PTPRE: variants seen among roughly 807,000 people sequenced by gnomAD.
PTPRE encodes the protein protein tyrosine phosphatase receptor type E.
In PTPRE, 51 loss-of-function variants were observed where a neutral mutation model predicts 102.0. The observed-to-expected ratio is 0.50, with a 90% CI of 0.40 to 0.63. PTPRE has a LOEUF of 0.63. Ranked by LOEUF, PTPRE falls within the 30% of genes least tolerant of loss-of-function variation. The probability of loss-of-function intolerance (pLI) is 0.00; values close to 1 mark genes in which losing one functional copy is unlikely to be tolerated. For synonymous variants in PTPRE, 345 were observed against 348.2 expected (o/e 0.99, Z 0.10); for missense variants, 752 against 915.1 (o/e 0.82, Z 2.30).
At chr10:128,077,351 G>T (rs1356467719) in intron 18 of PTPRE, among the ~76,000 whole-genome samples, 2 of 152,208 alleles carry the variant, frequency 1.3e-5, no homozygotes, top group African/African-American at 2.4e-5. Context: ...ATCCCGTAGG[G>T]GTTGGGCAGT....
At chr10:128,035,641 G>A (rs1158324360) in intron 2 of PTPRE, among the ~76,000 whole-genome samples, 1 of 152,214 alleles carries the variant, frequency 6.6e-6, no homozygotes, top group African/African-American at 2.4e-5. Context: ...CCAGGTAGGT[G>A]ATGGGTTCGG....
At chr10:128,011,486 C>T (rs1173734680) in intron 2 of PTPRE, among the ~76,000 whole-genome samples, 1 of 152,196 alleles carries the variant, frequency 6.6e-6, no homozygotes, top group Non-Finnish European at 1.5e-5. Flanking sequence ...GCGCGGTAGA[C>T]GTTCCTGTGG....
At chr10:128,069,874 C>G (rs779301277) in intron 13 of PTPRE, 47 bp downstream of exon 13, 5 of 1,613,348 alleles carry the variant, frequency 3.1e-6, no homozygotes, top group Middle Eastern at 1.6e-4. Context: ...CCAAAGCAAA[C>G]CCGATGCCTT....
At position 128,030,587 on chromosome 10, in the gene PTPRE, G is replaced by A. The variant is rs530313225; in HGVS notation, c.-7-10288G>A. Among the ~76,000 whole-genome samples, 34 of 152,252 alleles carry A rather than the reference G, an allele frequency of 2.2e-4. No homozygotes were observed. The East Asian group carries it at 5.2e-3, about 23-fold the overall frequency. On this transcript the variant is annotated intron_variant, in intron 2 of 20. Coordinates refer to ENST00000254667, the MANE Select transcript of PTPRE (RefSeq NM_006504.6). ...CATGGCGATTCCTTTAAAAACACCC[G>A]TGGAGCACCTCCTCTGTGGCAGCTC...
At chr10:128,010,591 C>CTTTTCTTTTCTTTTCTTTTCTTTTCT (rs1231558657) in intron 2 of PTPRE, among the ~76,000 whole-genome samples, 1 of 149,412 alleles carries the variant, frequency 6.7e-6, no homozygotes, top group Non-Finnish European at 1.5e-5. Context: ...CTTTTCTTTT[C>CTTTTCTTTTCTTTTCTTTTCTTTTCT]TTTCCTTTTG....
intron 1 of PTPRE, among the ~76,000 whole-genome samples, chr10:127,952,895 G>A (rs114634996): frequency 1.0e-3 from 157 of 152,266 alleles, no homozygotes; most frequent in African/African-American, 3.6e-3. Flanking sequence ...TTAGACATTC[G>A]TATATCAGAG....
chr10:128,081,093 A>G (rs1424984285), intron 20 of PTPRE, among the ~76,000 whole-genome samples: 1 of 152,194 alleles, frequency 6.6e-6, no homozygotes, highest in Non-Finnish European at 1.5e-5. Context: ...CCAGAAGGGA[A>G]AGGCTTAACT....
At chr10:127,923,398 A>ATTTTTTTTTTTTTTTTTTTTTTTTTTTT (rs35994733) in intron 1 of PTPRE, among the ~76,000 whole-genome samples, 2 of 106,926 alleles carry the variant, frequency 1.9e-5, no homozygotes, top group Non-Finnish European at 1.8e-5. Flanking sequence ...ACCAGTTTGA[A>ATTTTTTTTTTTTTTTTTTTTTTTTTTTT]TTTTTTTTTT....
chr10:128,007,996 C>T (rs376143403), intron 2 of PTPRE, among the ~76,000 whole-genome samples: 1 of 152,164 alleles, frequency 6.6e-6, no homozygotes, highest in Non-Finnish European at 1.5e-5. Flanking sequence ...GATGGAACCC[C>T]GAGCTTCTCA....
chr10:127,926,453 C>T (rs1847015822), intron 1 of PTPRE, among the ~76,000 whole-genome samples: 1 of 152,214 alleles, frequency 6.6e-6, no homozygotes, highest in African/African-American at 2.4e-5. Flanking sequence ...ACATTCACCT[C>T]CAACATTTCT....
chr10:128,037,957 ATTTTTTTTTTT>A (rs34089996), intron 2 of PTPRE, among the ~76,000 whole-genome samples: 3 of 115,946 alleles, frequency 2.6e-5, no homozygotes, highest in African/African-American at 9.9e-5. Flanking sequence ...TGTCCGGCTA[ATTTTTTTTTTT>A]TTTTTTTTTT....
At chr10:128,061,810 G>C in intron 9 of PTPRE, 95 bp downstream of exon 9, 1 of 1,435,054 alleles carries the variant, frequency 7.0e-7, no homozygotes, top group Non-Finnish European at 9.3e-7. Context: ...ACTTATACTG[G>C]ATTTGTGTGT....
At chr10:127,998,910 C>T (rs1263484501) in intron 2 of PTPRE, 1 of 152,156 alleles carries the variant, frequency 6.6e-6, no homozygotes, top group African/African-American at 2.4e-5. Flanking sequence ...CTGCAGGAGC[C>T]TCAGTTTTTC....
intron 3 of PTPRE, among the ~76,000 whole-genome samples, chr10:128,046,682 A>G (rs1269782468): frequency 6.6e-6 from 1 of 152,140 alleles, no homozygotes; most frequent in East Asian, 1.9e-4. Flanking sequence ...GGTGGGGTCC[A>G]AAGGTGGCAG....
chr10:128,026,900 A>C (rs1282824768), intron 2 of PTPRE, among the ~76,000 whole-genome samples: 1 of 152,386 alleles, frequency 6.6e-6, no homozygotes, highest in African/African-American at 2.4e-5. Flanking sequence ...TCACACTTGA[A>C]GCTTGGAAAA....
intron 2 of PTPRE, among the ~76,000 whole-genome samples, chr10:127,989,474 G>A (rs1852418714): frequency 6.6e-6 from 1 of 152,176 alleles, no homozygotes; most frequent in Non-Finnish European, 1.5e-5. Context: ...GGCATGCCTT[G>A]TCACCTCTCC....
At chr10:128,026,411 C>A (rs1846295830) in intron 2 of PTPRE, among the ~76,000 whole-genome samples, 1 of 152,252 alleles carries the variant, frequency 6.6e-6, no homozygotes, top group African/African-American at 2.4e-5. Context: ...TCTCCCCAGT[C>A]TGTCTTCAGT....
At position 128,011,309 on chromosome 10, in the gene PTPRE, G is replaced by A. The variant is rs1844989249; in HGVS notation, c.-8+29013G>A. ...TCCTAATTAATCACTGTAACACGGC[G>A]AGTGAATGGAGAGGAAAAGCTATTT... On this transcript the variant is annotated intron_variant, in intron 2 of 20. Coordinates refer to ENST00000254667, the MANE Select transcript of PTPRE (RefSeq NM_006504.6). Among the ~76,000 whole-genome samples, 3 of 152,334 alleles carry A rather than the reference G, an allele frequency of 2.0e-5. No individual in the cohort carries two copies. The South Asian group carries it at 6.2e-4, about 32-fold the overall frequency.
intron 2 of PTPRE, among the ~76,000 whole-genome samples, chr10:128,036,540 C>T (rs1185992092): frequency 6.6e-6 from 1 of 152,140 alleles, no homozygotes; most frequent in African/African-American, 2.4e-5. Context: ...CTTATGCCTC[C>T]AGCTAAAAAT....
Sources: gnomAD v4.1 joint callset for allele counts (sites outside exome capture counted in the v4.1 genomes callset) on GRCh38, gnomAD v4.1.1 for gene constraint, MANE v1.5 for transcripts, NCBI Gene and HGNC (gene_info 2026-07-23, HGNC 2026-07-21) for gene names.